Variants in ADAMTSL3 observed in about 807,000 individuals in gnomAD.
The protein encoded by ADAMTSL3 is ADAMTS like 3.
A neutral mutation model predicts 201.7 loss-of-function variants in ADAMTSL3; 128 were observed. The observed-to-expected ratio is 0.63, with a 90% CI of 0.55 to 0.73. The LOEUF (loss-of-function observed/expected upper bound fraction) is 0.73, where lower values mean the gene tolerates loss of function less well. Ranked by LOEUF, ADAMTSL3 falls within the 30% of genes least tolerant of loss-of-function variation. The probability of loss-of-function intolerance (pLI) is 0.00; values close to 1 mark genes in which losing one functional copy is unlikely to be tolerated. For synonymous variants in ADAMTSL3, 738 were observed against 748.4 expected, an observed-to-expected ratio of 0.99 and a Z score of 0.23; for missense variants, 1,990 against 2,119.6, an observed-to-expected ratio of 0.94 and a Z score of 1.20.
rs1245154500 is a variant in ADAMTSL3 at position 84,038,395 on chromosome 15, C to T, written c.*589C>T. The T allele has an allele frequency of 6.6e-6, 1 of 152,334 alleles. No homozygotes were observed. 9.4% of individuals were successfully genotyped at this position (152,334 alleles called of 1,614,324 possible). On this transcript the variant is annotated 3_prime_UTR_variant, in exon 30 of 30. Coordinates refer to ENST00000286744, the MANE Select transcript of ADAMTSL3 (RefSeq NM_207517.3). ...GGTTCATGGAAGCATGGCATCTTGT[C>T]CTTGCTTTTAGAACACCCATGGAAG...
intron 2 of ADAMTSL3, among the ~76,000 whole-genome samples, chr15:83,702,650 C>G (rs1326933087): frequency 6.6e-6 from 1 of 152,184 alleles, no homozygotes; most frequent in East Asian, 1.9e-4. Context: ...GATGTTGAGC[C>G]TGCAACAGAA....
Position 83,982,760 on chromosome 15 carries a change from T to C in ADAMTSL3, c.3132T>C (p.Tyr1044=), listed in dbSNP as rs1368474058. 1 of 1,614,048 alleles carries C rather than the reference T, an allele frequency of 6.2e-7. No homozygotes were observed. Among genetic ancestry groups the C allele is most frequent in the Non-Finnish European group, 8.5e-7 (1 of 1,180,042 alleles). Residue 1044 remains tyrosine, a synonymous_variant, in exon 21 of 30, where the codon TAT becomes TAC. Transcript: ENST00000286744. The part of the protein sequence containing the change: ...RQMWNNKNDL[Y]LDDDHISNQP... ...TGTGGAATAACAAAAATGACCTTTA[T>C]CTGGATGATGACCACATTAGTAACC...
intron 16 of ADAMTSL3, among the ~76,000 whole-genome samples, chr15:83,921,895 C>T (rs967285026): frequency 6.6e-6 from 1 of 150,984 alleles, no homozygotes; most frequent in African/African-American, 2.4e-5. Context: ...TATGTTGCCA[C>T]AAGCTATATA....
Position 83,986,884 on chromosome 15 carries a change from A to G in ADAMTSL3, c.3717-1807A>G, listed in dbSNP as rs573288414. ...GAGTAAGATTACGCAGCAGAGGCCA[A>G]GGTCATATGTGTTACAGAATTCAAC... On this transcript the variant is annotated intron_variant, in intron 21 of 29. Coordinates refer to ENST00000286744, the MANE Select transcript of ADAMTSL3 (RefSeq NM_207517.3). Among the ~76,000 whole-genome samples, 8 of 152,336 alleles carry G rather than the reference A, an allele frequency of 5.3e-5. No homozygotes were observed. In the South Asian group the frequency reaches 1.2e-3, roughly 24 times the overall value.
At chr15:84,035,211 A>G (rs2068482761) in intron 28 of ADAMTSL3, among the ~76,000 whole-genome samples, 1 of 152,170 alleles carries the variant, frequency 6.6e-6, no homozygotes, top group Admixed American at 6.5e-5. Context: ...CATCAAAGCA[A>G]AAGGGGCTGT....
intron 3 of ADAMTSL3, among the ~76,000 whole-genome samples, chr15:83,737,194 G>C (rs2062381251): frequency 6.6e-6 from 1 of 152,148 alleles, no homozygotes; most frequent in African/African-American, 2.4e-5. Flanking sequence ...TCAGCACAGT[G>C]TAAAAAGGCT....
At chr15:83,833,223 T>C (rs923662487) in intron 6 of ADAMTSL3, among the ~76,000 whole-genome samples, 3 of 152,050 alleles carry the variant, frequency 2.0e-5, no homozygotes, top group Non-Finnish European at 4.4e-5. Flanking sequence ...CTACCATAGA[T>C]TGGGTGGCAT....
intron 5 of ADAMTSL3, 145 bp from the exon 6 acceptor site, chr15:83,819,661 CAAAAA>C (rs11301352): frequency 2.8e-3 from 1,458 of 518,918 alleles, no homozygotes; most frequent in South Asian, 6.5e-3. Context: ...AACGTTGAAT[CAAAAA>C]AAAAAAAAAA....
At chr15:83,841,057 A>G (rs1472778082) in intron 7 of ADAMTSL3, among the ~76,000 whole-genome samples, 1 of 152,250 alleles carries the variant, frequency 6.6e-6, no homozygotes, top group Non-Finnish European at 1.5e-5. Context: ...TTCTTTATCC[A>G]GGAAAGGATA....
At chr15:83,699,727 A>G (rs1340846134) in intron 2 of ADAMTSL3, among the ~76,000 whole-genome samples, 2 of 152,066 alleles carry the variant, frequency 1.3e-5, no homozygotes, top group South Asian at 4.1e-4. Flanking sequence ...AGTTCTTCCA[A>G]TTCACTGACT....
At chr15:84,030,144 C>A (rs2141934131) in intron 27 of ADAMTSL3, among the ~76,000 whole-genome samples, 1 of 152,336 alleles carries the variant, frequency 6.6e-6, no homozygotes, top group Admixed American at 6.5e-5. Flanking sequence ...AGAGTCTCCA[C>A]TGGTGCATTG....
chr15:84,030,351 C>T (rs2068382591), intron 27 of ADAMTSL3, among the ~76,000 whole-genome samples: 1 of 152,190 alleles, frequency 6.6e-6, no homozygotes, highest in Non-Finnish European at 1.5e-5. Context: ...CCTCTTACAT[C>T]AGCATGATGG....
intron 3 of ADAMTSL3, among the ~76,000 whole-genome samples, chr15:83,742,750 T>G (rs937015563): frequency 6.6e-6 from 1 of 152,230 alleles, no homozygotes; most frequent in Non-Finnish European, 1.5e-5. Context: ...TTCAGAAATT[T>G]TGACTGGCTG....
intron 3 of ADAMTSL3, among the ~76,000 whole-genome samples, chr15:83,738,087 C>T (rs1298297445): frequency 6.6e-6 from 1 of 152,046 alleles, no homozygotes; most frequent in African/African-American, 2.4e-5. Flanking sequence ...GTATACCTAG[C>T]AAAGCAATAA....
intron 3 of ADAMTSL3, among the ~76,000 whole-genome samples, chr15:83,755,318 TACATTC>T (rs2062702741): frequency 1.3e-5 from 2 of 152,218 alleles, no homozygotes; most frequent in African/African-American, 4.8e-5. Flanking sequence ...TGGCATCATG[TACATTC>T]ACATTGTTGT....
intron 9 of ADAMTSL3, among the ~76,000 whole-genome samples, chr15:83,879,262 C>T (rs1284067466): frequency 2.0e-5 from 3 of 152,058 alleles, no homozygotes; most frequent in African/African-American, 7.2e-5. Flanking sequence ...AATATCTGCC[C>T]CTATCTTTAT....
At chr15:83,865,845 A>T (rs2141811185) in intron 8 of ADAMTSL3, among the ~76,000 whole-genome samples, 1 of 152,334 alleles carries the variant, frequency 6.6e-6, no homozygotes, top group East Asian at 1.9e-4. Flanking sequence ...AATGGGAGAA[A>T]ATTTTTGCAA....
chr15:83,726,438 A>T (rs1173220078), intron 3 of ADAMTSL3, among the ~76,000 whole-genome samples: 1 of 152,148 alleles, frequency 6.6e-6, no homozygotes, highest in East Asian at 1.9e-4. Flanking sequence ...ACGTTGAATG[A>T]CAGTGGTGAA....
intron 2 of ADAMTSL3, among the ~76,000 whole-genome samples, chr15:83,685,082 C>T (rs1237612548): frequency 2.0e-5 from 3 of 151,994 alleles, no homozygotes; most frequent in Admixed American, 2.0e-4. Flanking sequence ...TTTATATTGC[C>T]CTGATTACTA....
Sources: gnomAD v4.1 joint callset for allele counts (sites outside exome capture counted in the v4.1 genomes callset) on GRCh38, gnomAD v4.1.1 for gene constraint, MANE v1.5 for transcripts, NCBI Gene and HGNC (gene_info 2026-07-23, HGNC 2026-07-21) for gene names.